INPP4B: variants seen among roughly 807,000 people sequenced by gnomAD.
The protein encoded by INPP4B is inositol polyphosphate-4-phosphatase type II B.
In INPP4B, 55 loss-of-function variants were observed where a neutral mutation model predicts 122.5. That is an observed-to-expected ratio of 0.45 (90% CI 0.36 to 0.56). The LOEUF is 0.56. Ranked by LOEUF, INPP4B falls within the 20% of genes least tolerant of loss-of-function variation. The probability of loss-of-function intolerance (pLI) is 0.00; values close to 1 mark genes in which losing one functional copy is unlikely to be tolerated. For missense variants in INPP4B, 1,000 were observed against 1,097.7 expected (o/e 0.91, Z 1.26); for synonymous variants, 403 against 388.7 (o/e 1.04, Z -0.43).
intron 2 of INPP4B, among the ~76,000 whole-genome samples, chr4:142,539,475 T>C (rs1560774819): frequency 6.6e-6 from 1 of 152,094 alleles, no homozygotes; most frequent in Non-Finnish European, 1.5e-5. Context: ...AATCTAAATA[T>C]TTCATCAATG....
intron 2 of INPP4B, among the ~76,000 whole-genome samples, chr4:142,478,367 C>A (rs1176413756): frequency 6.6e-6 from 1 of 151,728 alleles, no homozygotes; most frequent in Non-Finnish European, 1.5e-5. Flanking sequence ...GGGGAATTCT[C>A]CTTTTGCCCA....
At chr4:142,542,943 G>GA (rs1829107960) in intron 2 of INPP4B, among the ~76,000 whole-genome samples, 1 of 151,880 alleles carries the variant, frequency 6.6e-6, no homozygotes, top group Non-Finnish European at 1.5e-5. Flanking sequence ...TCATGTAATG[G>GA]AAAAAAGGTA....
At chr4:142,058,448 C>A (rs561553904) in intron 25 of INPP4B, among the ~76,000 whole-genome samples, 2 of 152,062 alleles carry the variant, frequency 1.3e-5, no homozygotes, top group African/African-American at 4.8e-5. Flanking sequence ...TTGATTTTTT[C>A]TTTTTCCCTG....
chr4:142,108,100 A>C lies in INPP4B; in HGVS notation c.2367T>G (p.Pro789=). 3 of 1,477,748 alleles carry C rather than the reference A, an allele frequency of 2.0e-6. No individual in the cohort carries two copies. Among genetic ancestry groups the C allele is most frequent in the Non-Finnish European group, 2.8e-6 (3 of 1,059,310 alleles). 91.5% of individuals were successfully genotyped at this position (1,477,748 alleles called of 1,614,324 possible). A position where few individuals can be genotyped will look rare whatever the true frequency, so the allele number is the denominator to read the frequency against. Residue 789 remains proline, a synonymous_variant, in exon 23 of 26, where the codon CCT becomes CCG. Transcript: ENST00000262992. ...TCTAACTCACATACTTACAATCAGG[A>C]GGCATCTTTTCCATAAATATCTTGT... is the stretch of plus-strand genomic sequence containing the variant. The part of the protein sequence containing the change: ...EYYKIFMEKM[P]PDYISHFQEQ...
At chr4:142,055,169 C>T in intron 25 of INPP4B, among the ~76,000 whole-genome samples, 1 of 151,998 alleles carries the variant, frequency 6.6e-6, no homozygotes, top group East Asian at 1.9e-4. Flanking sequence ...AACTGATCGG[C>T]ATGGAGAAAA....
chr4:142,578,239 G>T (rs2150187586), intron 2 of INPP4B, among the ~76,000 whole-genome samples: 1 of 152,092 alleles, frequency 6.6e-6, no homozygotes, highest in Admixed American at 6.6e-5. Context: ...TTGTCAACAA[G>T]ATGGATACAC....
intron 1 of INPP4B, among the ~76,000 whole-genome samples, chr4:142,833,604 A>G (rs964692908): frequency 1.3e-5 from 2 of 151,968 alleles, no homozygotes; most frequent in East Asian, 1.9e-4. Context: ...ATATATGGAG[A>G]AAAAAAAGAC....
At chr4:142,097,279 A>G (rs899585655) in intron 23 of INPP4B, among the ~76,000 whole-genome samples, 1 of 50,432 alleles carries the variant, frequency 2.0e-5, no homozygotes, top group African/African-American at 6.0e-5. Context: ...TTTGAGACGG[A>G]GTTTCGCTCT....
At chr4:142,057,430 T>C (rs1399642763) in intron 25 of INPP4B, among the ~76,000 whole-genome samples, 1 of 152,048 alleles carries the variant, frequency 6.6e-6, no homozygotes, top group East Asian at 1.9e-4. Flanking sequence ...TGAATTTATC[T>C]ATGTTCATTT....
intron 21 of INPP4B, among the ~76,000 whole-genome samples, chr4:142,121,650 C>T (rs1266589633): frequency 2.0e-5 from 3 of 152,072 alleles, no homozygotes; most frequent in African/African-American, 4.8e-5. Context: ...ATCTCATAGT[C>T]TGAGAGTGAA....
intron 17 of INPP4B, among the ~76,000 whole-genome samples, chr4:142,159,637 G>C (rs372779838): frequency 1.3e-5 from 2 of 151,950 alleles, no homozygotes; most frequent in African/African-American, 4.8e-5. Context: ...CTTTGTGTGT[G>C]TGTGTAATAT....
intron 15 of INPP4B, 40 bp from the exon 16 acceptor site, chr4:142,173,849 T>A: frequency 1.3e-6 from 2 of 1,511,714 alleles, no homozygotes; most frequent in Middle Eastern, 1.7e-4. Flanking sequence ...ACAAACAGCA[T>A]AATGAATGTT....
intron 1 of INPP4B, among the ~76,000 whole-genome samples, chr4:142,835,273 T>C (rs1782642138): frequency 6.6e-6 from 1 of 152,148 alleles, no homozygotes; most frequent in African/African-American, 2.4e-5. Flanking sequence ...GAGACAGCAC[T>C]AGGAGATGTA....
intron 2 of INPP4B, among the ~76,000 whole-genome samples, chr4:142,718,711 T>C (rs1290905627): frequency 3.3e-5 from 5 of 152,210 alleles, no homozygotes; most frequent in Non-Finnish European, 5.9e-5. Context: ...GTAGCATGAT[T>C]TCAAATGTCT....
At chr4:142,425,834 A>T (rs1005644720) in intron 5 of INPP4B, among the ~76,000 whole-genome samples, 7 of 151,996 alleles carry the variant, frequency 4.6e-5, no homozygotes. Context: ...AGATGAATAA[A>T]TGACCTGTGC....
chr4:142,723,283 C>A (rs144535847), intron 2 of INPP4B, among the ~76,000 whole-genome samples: 1,795 of 152,048 alleles, frequency 0.012, 26 homozygotes, highest in African/African-American at 0.033. Flanking sequence ...AACATTCCTG[C>A]ATAATAAAAA....
intron 1 of INPP4B, among the ~76,000 whole-genome samples, chr4:142,754,560 T>C (rs893292286): frequency 1.3e-5 from 2 of 152,006 alleles, no homozygotes; most frequent in Non-Finnish European, 2.9e-5. Flanking sequence ...TCTACATTAC[T>C]TAGAAAAATG....
At chr4:142,581,859 G>C (rs2150205295) in intron 2 of INPP4B, among the ~76,000 whole-genome samples, 1 of 152,056 alleles carries the variant, frequency 6.6e-6, no homozygotes, top group South Asian at 2.1e-4. Flanking sequence ...CAGGGAATGG[G>C]GCTGTAGATG....
intron 16 of INPP4B, among the ~76,000 whole-genome samples, chr4:142,168,080 G>T (rs1823731381): frequency 2.0e-5 from 3 of 151,152 alleles, no homozygotes; most frequent in Non-Finnish European, 1.5e-5. Flanking sequence ...AGAAACATGT[G>T]TCCTTTTTTT....
Sources: allele counts gnomAD v4.1 joint callset (sites outside exome capture counted in the v4.1 genomes callset), GRCh38; gene constraint gnomAD v4.1.1; transcripts MANE v1.5; gene names NCBI Gene and HGNC (gene_info 2026-07-23, HGNC 2026-07-21).